DOCK8: variants seen among roughly 807,000 people sequenced by gnomAD.
DOCK8 encodes dedicator of cytokinesis protein 8.
DOCK8 carries 141 observed loss-of-function variants against 245.6 expected under a neutral mutation model. That is an observed-to-expected ratio of 0.57 (90% CI 0.50 to 0.66). The LOEUF (loss-of-function observed/expected upper bound fraction) is 0.66, where lower values mean the gene tolerates loss of function less well. Ranked by LOEUF, DOCK8 falls within the 30% of genes least tolerant of loss-of-function variation. The pLI, the probability that DOCK8 is intolerant of heterozygous loss-of-function variation, is 0.00. For missense variants in DOCK8, 2,965 were observed against 2,603.4 expected (o/e 1.14, Z -3.02); for synonymous variants, 1,168 against 970.2 (o/e 1.20, Z -3.79).
chr9:403,024 G>T (rs1484721739), intron 26 of DOCK8, among the ~76,000 whole-genome samples: 1 of 152,114 alleles, frequency 6.6e-6, no homozygotes, highest in Non-Finnish European at 1.5e-5. Context: ...CGAGTAGCTG[G>T]GATTACAGGT....
intron 33 of DOCK8, among the ~76,000 whole-genome samples, chr9:424,390 T>C (rs896881988): frequency 2.6e-5 from 4 of 152,040 alleles, no homozygotes; most frequent in African/African-American, 9.7e-5. Flanking sequence ...GAATAGATGG[T>C]AAGCTTTTCT....
At chr9:426,403 G>C (rs1459181975) in intron 33 of DOCK8, among the ~76,000 whole-genome samples, 1 of 152,168 alleles carries the variant, frequency 6.6e-6, no homozygotes, top group Non-Finnish European at 1.5e-5. Flanking sequence ...CCCCTGACTT[G>C]GCTCTGAAGC....
chr9:250,907 T>G (rs2047630312), intron 1 of DOCK8, among the ~76,000 whole-genome samples: 1 of 151,832 alleles, frequency 6.6e-6, no homozygotes, highest in Non-Finnish European at 1.5e-5. Context: ...GGATTAGGAG[T>G]GAGAGGGACT....
chr9:226,807 A>C (rs2046998526), intron 1 of DOCK8, among the ~76,000 whole-genome samples: 1 of 152,178 alleles, frequency 6.6e-6, no homozygotes, highest in South Asian at 2.1e-4. Context: ...TTATTTAGGA[A>C]TCTGAAACTC....
intron 24 of DOCK8, among the ~76,000 whole-genome samples, chr9:394,188 G>A (rs1181473410): frequency 6.6e-6 from 1 of 152,152 alleles, no homozygotes; most frequent in Non-Finnish European, 1.5e-5. Flanking sequence ...GAAGCCAAAG[G>A]TTAAGGGGGC....
intron 47 of DOCK8, 130 bp downstream of exon 47, chr9:463,817 G>T: frequency 9.2e-7 from 1 of 1,085,126 alleles, no homozygotes; most frequent in Non-Finnish European, 1.4e-6. Context: ...GGGTCCCACA[G>T]TCAGAGAGGC....
intron 14 of DOCK8, among the ~76,000 whole-genome samples, chr9:345,310 C>T (rs2051826393): frequency 6.6e-6 from 1 of 152,112 alleles, no homozygotes; most frequent in Non-Finnish European, 1.5e-5. Flanking sequence ...TGAAATATGG[C>T]TTGGCTTATA....
chr9:407,051 T>A lies in DOCK8; in HGVS notation c.3512T>A (p.Leu1171Gln). 9 of 1,614,104 alleles carry A rather than the reference T, an allele frequency of 5.6e-6. No homozygotes were observed. Among genetic ancestry groups the A allele is most frequent in the Non-Finnish European group, 7.6e-6 (9 of 1,180,014 alleles). ...CTCTTCACAGAACTGGCTGCTGCCC[T>A]GGATGCCGAAGGGGAAGGGTATGTT... is the stretch of plus-strand genomic sequence containing the variant. ...GLLFTELAAALDAEGEGISKV... is the reference protein window; with the variant it reads ...GLLFTELAAAQDAEGEGISKV... The change falls in exon 28 of 48, where the codon CTG becomes CAG. Residue 1171 changes from leucine (L) to glutamine (Q), a missense_variant. Coordinates refer to ENST00000432829, the MANE Select transcript of DOCK8 (RefSeq NM_203447.4).
intron 1 of DOCK8, among the ~76,000 whole-genome samples, chr9:263,038 C>G (rs936512311): frequency 6.6e-6 from 1 of 152,048 alleles, no homozygotes; most frequent in Non-Finnish European, 1.5e-5. Flanking sequence ...GAAACCCCGT[C>G]TTTACTAAGA....
intron 1 of DOCK8, among the ~76,000 whole-genome samples, chr9:257,878 C>G (rs1184945944): frequency 6.6e-6 from 1 of 152,210 alleles, no homozygotes; most frequent in Non-Finnish European, 1.5e-5. Flanking sequence ...TTCAGTAGGT[C>G]TGGCGGAGGC....
At chr9:343,140 C>A (rs183443950) in intron 14 of DOCK8, among the ~76,000 whole-genome samples, 307 of 152,248 alleles carry the variant, frequency 2.0e-3, no homozygotes, top group Non-Finnish European at 3.7e-3. Flanking sequence ...TTCCCACCCC[C>A]ACATTTCCAG....
In DOCK8 at chr9:406,488, C is replaced by CA. The variant is rs202229906; in HGVS notation, c.3391-420dup. On this transcript the variant is annotated intron_variant, in intron 27 of 47. Transcript: ENST00000432829. ...GGTAACAGAGTGACACTCTGTCTTT[C>CA]AAAAAAAAAAAAAAAAAAAAAAGAA... is the stretch of plus-strand genomic sequence containing the variant. 8.1e-3 allele frequency among the ~76,000 whole-genome samples: 767 copies of CA among 94,792 alleles called. 2 individuals are homozygous for CA. Among genetic ancestry groups the CA allele is most frequent in the South Asian group, 0.019 (65 of 3,340 alleles). The allele number at this position is 94,792 out of a possible 152,430, so 62.2% of individuals were successfully genotyped here. A position where few individuals can be genotyped will look rare whatever the true frequency, so the allele number is the denominator to read the frequency against.
At chr9:343,852 G>A (rs1175810386) in intron 14 of DOCK8, among the ~76,000 whole-genome samples, 2 of 152,202 alleles carry the variant, frequency 1.3e-5, no homozygotes, top group African/African-American at 4.8e-5. Context: ...AATGAATTCT[G>A]TAGTTATTCA....
chr9:324,294 A>G (rs1056566856), intron 7 of DOCK8, among the ~76,000 whole-genome samples: 2 of 152,172 alleles, frequency 1.3e-5, no homozygotes, highest in Non-Finnish European at 2.9e-5. Context: ...AGACAAAGCT[A>G]TCCATTGATG....
intron 2 of DOCK8, among the ~76,000 whole-genome samples, chr9:278,414 A>T (rs2048445498): frequency 6.6e-6 from 1 of 152,244 alleles, no homozygotes; most frequent in Non-Finnish European, 1.5e-5. Context: ...TTGGGTCTCT[A>T]TGTCAGGAAC....
chr9:220,877 C>T (rs559517876), intron 1 of DOCK8: 108 of 273,448 alleles, frequency 3.9e-4, no homozygotes, highest in East Asian at 5.5e-4. Flanking sequence ...CGCACCACCA[C>T]GCCCGGCTAA....
At chr9:371,679 A>C (rs1232241752) in intron 17 of DOCK8, 113 bp downstream of exon 17, 2 of 1,420,070 alleles carry the variant, frequency 1.4e-6, no homozygotes, top group East Asian at 4.9e-5. Flanking sequence ...CAGAAGTAGC[A>C]AAACATGCTA....
In DOCK8 at chr9:420,598, G is replaced by A. The variant is rs1020561141; in HGVS notation, c.4023+15G>A. 5.6e-6 allele frequency: 9 copies of A among 1,613,868 alleles called. No homozygotes were observed. The highest frequency in any genetic ancestry group is 5.3e-5 in the African/African-American group (4 of 74,880). On this transcript the variant is annotated intron_variant, in intron 31 of 47. Coordinates refer to ENST00000432829, the MANE Select transcript of DOCK8 (RefSeq NM_203447.4). ...TTGAGTATAAGGTAAGTCTGGAGTG[G>A]CACAACTTTATACCAGCTCTTATCT... is the stretch of plus-strand genomic sequence containing the variant.
chr9:463,398 C>A, intron 46 of DOCK8, 119 bp from the exon 47 acceptor site: 1 of 1,222,056 alleles, frequency 8.2e-7, no homozygotes, highest in Non-Finnish European at 1.2e-6. Flanking sequence ...TCCCGATATG[C>A]CACCCAGTTT....
Sources: gnomAD v4.1 joint callset for allele counts (sites outside exome capture counted in the v4.1 genomes callset) on GRCh38, gnomAD v4.1.1 for gene constraint, MANE v1.5 for transcripts, NCBI Gene and HGNC (gene_info 2026-07-23, HGNC 2026-07-21) for gene names.